CERT1: variants seen among roughly 807,000 people sequenced by gnomAD.
CERT1 encodes the protein ceramide transporter 1.
CERT1 carries 31 observed loss-of-function variants against 87.9 expected under a neutral mutation model. The observed-to-expected ratio is 0.35, with a 90% CI of 0.27 to 0.48. The LOEUF (loss-of-function observed/expected upper bound fraction) is 0.48, where lower values mean the gene tolerates loss of function less well. Among genes scored for constraint, CERT1 ranks in the 20% least tolerant of loss-of-function variants. CERT1 has a pLI of 0.99. For missense variants in CERT1, 487 were observed against 758.0 expected (o/e 0.64, Z 4.20); for synonymous variants, 289 against 250.9 (o/e 1.15, Z -1.44).
rs144030889 is a variant in CERT1, at chr5:75,456,819, C to T, written c.348+2246G>A. Among the ~76,000 whole-genome samples the T allele has an allele frequency of 1.6e-3, 243 of 152,154 alleles. 1 individual carries two copies. The highest frequency in any genetic ancestry group is 4.3e-3 in the African/African-American group (179 of 41,522). ...AGAGAGACCCAAAGATTAAATCTATCCATTGTTCAAAGATGTAAAGAAATC... is the reference window on the plus strand; with the variant it reads ...AGAGAGACCCAAAGATTAAATCTATTCATTGTTCAAAGATGTAAAGAAATC... On this transcript the variant is annotated intron_variant, in intron 3 of 16. Coordinates refer to ENST00000643780, the MANE Select transcript of CERT1 (RefSeq NM_001379029.1).
chr5:75,439,196 A>G (rs952831354), intron 3 of CERT1, among the ~76,000 whole-genome samples: 1 of 151,802 alleles, frequency 6.6e-6, no homozygotes, highest in African/African-American at 2.4e-5. Flanking sequence ...ATGTCTAAAA[A>G]CTGAATTGAA....
intron 2 of CERT1, among the ~76,000 whole-genome samples, chr5:75,472,686 A>G (rs1218743668): frequency 1.3e-5 from 2 of 152,250 alleles, no homozygotes; most frequent in African/African-American, 4.8e-5. Flanking sequence ...ATAAATCATC[A>G]GGCAAATACA....
chr5:75,404,828 A>G (rs962681273), intron 8 of CERT1, among the ~76,000 whole-genome samples: 1 of 152,096 alleles, frequency 6.6e-6, no homozygotes, highest in Admixed American at 6.6e-5. Flanking sequence ...GGCCAACATG[A>G]CGAAAACCTG....
chr5:75,482,659 C>A (rs1766307289), intron 2 of CERT1, among the ~76,000 whole-genome samples: 3 of 152,136 alleles, frequency 2.0e-5, no homozygotes, highest in African/African-American at 7.2e-5. Context: ...GTCACCTTTA[C>A]CCCAGCTCCA....
At chr5:75,481,766 T>C (rs1766258433) in intron 2 of CERT1, among the ~76,000 whole-genome samples, 1 of 152,138 alleles carries the variant, frequency 6.6e-6, no homozygotes, top group African/African-American at 2.4e-5. Flanking sequence ...ATTCTGAGAA[T>C]CTCTAAATAA....
intron 13 of CERT1, among the ~76,000 whole-genome samples, chr5:75,385,531 A>C (rs1459342372): frequency 6.6e-6 from 1 of 152,198 alleles, no homozygotes; most frequent in South Asian, 2.1e-4. Context: ...TTTACCACGG[A>C]AACAGTTTAG....
intron 3 of CERT1, among the ~76,000 whole-genome samples, chr5:75,428,586 G>C (rs1011253903): frequency 6.6e-6 from 1 of 151,932 alleles, no homozygotes; most frequent in African/African-American, 2.4e-5. Flanking sequence ...GCTGAGGCAG[G>C]AGAATGGCAT....
At chr5:75,441,362 CA>C (rs1764314220) in intron 3 of CERT1, among the ~76,000 whole-genome samples, 1 of 152,126 alleles carries the variant, frequency 6.6e-6, no homozygotes, top group Non-Finnish European at 1.5e-5. Context: ...ACAAAATCGA[CA>C]AACTATGCAT....
chr5:75,426,223 T>C (rs1763611727), intron 4 of CERT1, 148 bp downstream of exon 4: 1 of 485,964 alleles, frequency 2.1e-6, no homozygotes, highest in Non-Finnish European at 3.7e-6. Context: ...TATTATTTTA[T>C]ACCTTAAAAA....
chr5:75,426,243 T>C, intron 4 of CERT1, 128 bp downstream of exon 4: 2 of 536,530 alleles, frequency 3.7e-6, no homozygotes, highest in East Asian at 5.9e-5. Context: ...AGTACTTCTC[T>C]AATAACTTCA....
At chr5:75,412,724 T>C (rs1159052806) in intron 7 of CERT1, among the ~76,000 whole-genome samples, 2 of 152,152 alleles carry the variant, frequency 1.3e-5, no homozygotes, top group East Asian at 3.8e-4. Context: ...AAAAATATGA[T>C]ATAAAAGATA....
At chr5:75,457,968 T>C (rs1249858193) in intron 3 of CERT1, among the ~76,000 whole-genome samples, 1 of 149,216 alleles carries the variant, frequency 6.7e-6, no homozygotes, top group African/African-American at 2.5e-5. Flanking sequence ...AATGTGTGTG[T>C]GTGTGTGTGT....
At chr5:75,408,930 GA>G (rs145999319) in intron 8 of CERT1, among the ~76,000 whole-genome samples, 1 of 143,952 alleles carries the variant, frequency 6.9e-6, no homozygotes, top group Admixed American at 7.0e-5. Context: ...CTACCCCTAG[GA>G]AAAAAAAAAC....
chr5:75,392,826 C>A (rs1341354591), intron 11 of CERT1, among the ~76,000 whole-genome samples: 2 of 151,020 alleles, frequency 1.3e-5, no homozygotes, highest in Non-Finnish European at 3.0e-5. Context: ...AAAAATTGGC[C>A]GGGCGTGGTG....
rs189594226 is a variant in CERT1 at position 75,384,594 on chromosome 5, G to C, written c.1488+48C>G. The C allele has an allele frequency of 6.7e-5, 90 of 1,345,080 alleles. No individual in the cohort carries two copies. The African/African-American group carries it at 1.1e-3, about 16-fold the overall frequency. 83.3% of individuals were successfully genotyped at this position (1,345,080 alleles called of 1,614,324 possible). ...TACTTTAGAGAATCTATATGTCTGA[G>C]TTTGAACTACATTGAAATCCTTTTA... On this transcript the variant is annotated intron_variant, in intron 14 of 16. Transcript: ENST00000643780.
At chr5:75,441,050 C>A (rs975948282) in intron 3 of CERT1, among the ~76,000 whole-genome samples, 3 of 152,074 alleles carry the variant, frequency 2.0e-5, no homozygotes, top group Non-Finnish European at 4.4e-5. Flanking sequence ...TGTGTCACAA[C>A]AGTATTGGTA....
intron 2 of CERT1, among the ~76,000 whole-genome samples, chr5:75,490,205 G>C (rs1766716841): frequency 6.6e-6 from 1 of 152,094 alleles, no homozygotes; most frequent in African/African-American, 2.4e-5. Context: ...GGGAGGTTGG[G>C]GACAAGGGGA....
At chr5:75,448,934 G>GA in intron 3 of CERT1, among the ~76,000 whole-genome samples, 1 of 152,232 alleles carries the variant, frequency 6.6e-6, no homozygotes, top group East Asian at 1.9e-4. Flanking sequence ...GAAATAAGCT[G>GA]AAAATCTAGT....
intron 7 of CERT1, among the ~76,000 whole-genome samples, chr5:75,415,089 TAG>T (rs1763085645): frequency 6.6e-6 from 1 of 152,094 alleles, no homozygotes; most frequent in Admixed American, 6.6e-5. Flanking sequence ...AGTTCTTGAA[TAG>T]AGTTGCTTAC....
Sources: gnomAD v4.1 joint callset for allele counts (sites outside exome capture counted in the v4.1 genomes callset) on GRCh38, gnomAD v4.1.1 for gene constraint, MANE v1.5 for transcripts, NCBI Gene and HGNC (gene_info 2026-07-23, HGNC 2026-07-21) for gene names.